The following PIK3CG variants were observed in gnomAD, a reference collection of about 807,000 sequenced individuals.
PIK3CG encodes phosphatidylinositol 4,5-bisphosphate 3-kinase catalytic subunit gamma isoform.
PIK3CG carries 55 observed loss-of-function variants against 102.3 expected under a neutral mutation model. That is an observed-to-expected ratio of 0.54 (90% CI 0.43 to 0.67). The LOEUF (loss-of-function observed/expected upper bound fraction) is 0.67. PIK3CG is among the 30% of genes least tolerant of loss of function. The probability of loss-of-function intolerance (pLI) is 0.00; values close to 1 mark genes in which losing one functional copy is unlikely to be tolerated. For synonymous variants in PIK3CG, 552 were observed against 540.0 expected (o/e 1.02, Z -0.31); for missense variants, 1,258 against 1,391.8 (o/e 0.90, Z 1.53).
chr7:106,885,058 G>C (rs776331519), intron 9 of PIK3CG, among the ~76,000 whole-genome samples: 26 of 152,176 alleles, frequency 1.7e-4, no homozygotes, highest in Non-Finnish European at 2.9e-4. Flanking sequence ...GGGAGCAGCT[G>C]TAAATACAGA....
rs1791392462 is a variant in PIK3CG, at chr7:106,895,753, T to C, written c.3031-9356T>C. 6.6e-6 allele frequency among the ~76,000 whole-genome samples: 1 copy of C among 152,244 alleles called. No homozygotes were observed. The highest frequency in any genetic ancestry group is 1.5e-5 in the Non-Finnish European group (1 of 68,042). On this transcript the variant is annotated intron_variant, in intron 10 of 10. Coordinates refer to ENST00000496166, the MANE Select transcript of PIK3CG (RefSeq NM_001282426.2). This position sits in a 1 kb window ranked among gnomAD's most constrained non-coding sequence, Gnocchi z 5.4. ...ATTAGTAATCATAGCCAACTACTTA[T>C]GTAGCACTTAAATCTCACCACAACA...
intron 10 of PIK3CG, among the ~76,000 whole-genome samples, chr7:106,898,989 A>T (rs1349146953): frequency 6.6e-6 from 1 of 152,152 alleles, no homozygotes; most frequent in African/African-American, 2.4e-5. Context: ...GACTCTTCCT[A>T]TCCATGAGCA....
chr7:106,869,041 C>T lies in PIK3CG; in HGVS notation c.1480C>T (p.Gln494Ter), dbSNP rs1584318294. 1 of 1,613,998 alleles carries T rather than the reference C, an allele frequency of 6.2e-7. No homozygotes were observed. Residue 494 changes from glutamine to a stop codon, truncating the protein, a stop_gained, in exon 2 of 11, where the codon CAA becomes TAA. Transcript: ENST00000496166. LOFTEE classifies it high-confidence loss of function. The surrounding 1 kb of genome is among the most constrained non-coding windows in gnomAD (Gnocchi z 5.3). ...MWQISGKGEDQGSFNADKLTS... is the reference protein window; with the variant it reads ...MWQISGKGED ...GCAGATATCTGGGAAGGGAGAAGAC[C>T]AAGGAAGCTTCAATGCTGACAAACT...
chr7:106,869,188 G>T lies in PIK3CG; in HGVS notation c.1627G>T (p.Val543Phe), dbSNP rs760550327. ...QPTPDPEGDR[V>F]RAEMPNQLRK... The stretch of plus-strand genomic sequence containing the variant: ...CACCCCTGACCCGGAAGGGGACCGG[G>T]TTCGAGCAGAAATGCCCAACCAGCT... The change falls in exon 2 of 11, where the codon GTT becomes TTT. Residue 543 changes from valine (V) to phenylalanine (F), a missense_variant. Val to Phe is a conservative substitution (Grantham distance 50, BLOSUM62 -1). Coordinates refer to ENST00000496166, the MANE Select transcript of PIK3CG (RefSeq NM_001282426.2). The surrounding 1 kb of genome is among the most constrained non-coding windows in gnomAD (Gnocchi z 5.3). 1 of 1,614,204 alleles carries T rather than the reference G, an allele frequency of 6.2e-7. No individual in the cohort carries two copies. Among genetic ancestry groups the T allele is most frequent in the South Asian group, 1.1e-5 (1 of 91,080 alleles).
chr7:106,876,001 G>A (rs374217437), intron 5 of PIK3CG, among the ~76,000 whole-genome samples: 6 of 142,130 alleles, frequency 4.2e-5, no homozygotes, highest in Admixed American at 7.3e-5. Flanking sequence ...TGCAAGCTCC[G>A]CTTCCCGGGT....
intron 9 of PIK3CG, among the ~76,000 whole-genome samples, chr7:106,885,806 C>T (rs919075617): frequency 3.3e-5 from 5 of 152,062 alleles, no homozygotes; most frequent in Admixed American, 2.0e-4. Context: ...GCGTAAAGAG[C>T]ATAAGAGAGT....
intron 9 of PIK3CG, among the ~76,000 whole-genome samples, chr7:106,885,566 T>G (rs541440736): frequency 2.0e-5 from 3 of 152,192 alleles, no homozygotes; most frequent in South Asian, 4.2e-4. Context: ...ATAGAAATGA[T>G]AAAGGGCTAA....
intron 10 of PIK3CG, among the ~76,000 whole-genome samples, chr7:106,887,384 G>A (rs986950804): frequency 1.3e-5 from 2 of 152,128 alleles, no homozygotes; most frequent in Non-Finnish European, 2.9e-5. Flanking sequence ...GCACATCTCA[G>A]ACTTGCTCTC....
At chr7:106,882,975 TCCTCTGGG>T (rs1790987248) in intron 7 of PIK3CG, 50 bp from the exon 8 acceptor site, 5 of 1,387,356 alleles carry the variant, frequency 3.6e-6, no homozygotes, top group Non-Finnish European at 5.0e-6. Context: ...TAGCCTTTCC[TCCTCTGGG>T]CCAGGTACTG....
chr7:106,900,018 G>A (rs1000943916), intron 10 of PIK3CG, among the ~76,000 whole-genome samples: 3 of 151,958 alleles, frequency 2.0e-5, no homozygotes, highest in Admixed American at 1.3e-4. Flanking sequence ...ATTTATTACT[G>A]ATTCAATTTT....
chr7:106,889,877 A>G (rs1196623222), intron 10 of PIK3CG, among the ~76,000 whole-genome samples: 1 of 152,222 alleles, frequency 6.6e-6, no homozygotes, highest in Admixed American at 6.5e-5. Context: ...ACACAAAACC[A>G]AGGCCCAGCG....
At position 106,902,449 on chromosome 7, in the gene PIK3CG, T is replaced by C. The variant is rs892869599; in HGVS notation, c.3031-2660T>C. ...TTTATAAGCACTTTAAAGCTTTTGA[T>C]GCATGTTAATCAAATTACCTGCTGG... On this transcript the variant is annotated intron_variant, in intron 10 of 10. Coordinates refer to ENST00000496166, the MANE Select transcript of PIK3CG (RefSeq NM_001282426.2). The surrounding 1 kb of genome is among the most constrained non-coding windows in gnomAD (Gnocchi z 4.3). 2.0e-5 allele frequency among the ~76,000 whole-genome samples: 3 copies of C among 152,154 alleles called. No individual in the cohort carries two copies. The highest frequency in any genetic ancestry group is 7.2e-5 in the African/African-American group (3 of 41,422).
intron 10 of PIK3CG, among the ~76,000 whole-genome samples, chr7:106,901,312 C>G (rs1383398148): frequency 6.6e-6 from 1 of 151,180 alleles, no homozygotes; most frequent in Non-Finnish European, 1.5e-5. Context: ...AACCAGTCTT[C>G]AAGTTCTGAG....
intron 4 of PIK3CG, among the ~76,000 whole-genome samples, chr7:106,873,462 G>T (rs771653182): frequency 6.6e-6 from 1 of 152,150 alleles, no homozygotes; most frequent in African/African-American, 2.4e-5. Flanking sequence ...AATTGCATCT[G>T]CATTGAACAT....
chr7:106,884,368 G>A lies in PIK3CG; in HGVS notation c.2872+102G>A. The A allele has an allele frequency of 1.3e-6, 1 of 748,312 alleles. No individual in the cohort carries two copies. Among genetic ancestry groups the A allele is most frequent in the Non-Finnish European group, 2.2e-6 (1 of 447,076 alleles). The allele number at this position is 748,312 out of a possible 1,614,324, so 46.4% of individuals were successfully genotyped here. Reference sequence around the variant, plus strand: ...ATTAACTGTAAGTGTTCAGTTCAGTGGCATTACATATGTTCACCTTGTTGT... The same window carrying A: ...ATTAACTGTAAGTGTTCAGTTCAGTAGCATTACATATGTTCACCTTGTTGT... On this transcript the variant is annotated intron_variant, in intron 9 of 10. Transcript: ENST00000496166. The surrounding 1 kb of genome is among the most constrained non-coding windows in gnomAD (Gnocchi z 4.2).
At position 106,894,436 on chromosome 7, in the gene PIK3CG, A is replaced by C. The variant is rs1031065289; in HGVS notation, c.3030+8144A>C. Among the ~76,000 whole-genome samples, 2 of 152,204 alleles carry C rather than the reference A, an allele frequency of 1.3e-5. No homozygotes were observed. The highest frequency in any genetic ancestry group is 4.8e-5 in the African/African-American group (2 of 41,452). On this transcript the variant is annotated intron_variant, in intron 10 of 10. Coordinates refer to ENST00000496166, the MANE Select transcript of PIK3CG (RefSeq NM_001282426.2). The surrounding 1 kb of genome is among the most constrained non-coding windows in gnomAD (Gnocchi z 4.4). ...AGAATCACTTTTCAAGTACTTACAG[A>C]TAAAAATCCTAATTCAAACTCATCA...
In PIK3CG at chr7:106,905,289, C is replaced by G. The variant is rs2116619051; in HGVS notation, c.3211C>G (p.Gln1071Glu). ...GGATGCTAAAAAGTATTTTCTTGAT[C>G]AGATCGAAGTTTGCAGAGACAAAGG... ...EEDAKKYFLD[Q>E]IEVCRDKGWT... Residue 1071 changes from glutamine (Q) to glutamate (E), a missense_variant, in exon 11 of 11, where the codon CAG (glutamine) becomes GAG (glutamate). Transcript: ENST00000496166. The surrounding 1 kb of genome is among the most constrained non-coding windows in gnomAD (Gnocchi z 5.6). 3 of 1,614,046 alleles carry G rather than the reference C, an allele frequency of 1.9e-6. No homozygotes were observed. Among genetic ancestry groups the G allele is most frequent in the Non-Finnish European group, 1.7e-6 (2 of 1,179,972 alleles).
rs1178951379 is a variant in PIK3CG at position 106,883,756 on chromosome 7, C to T, written c.2761-399C>T. Among the ~76,000 whole-genome samples the T allele has an allele frequency of 6.6e-6, 1 of 152,158 alleles. No homozygotes were observed. Among genetic ancestry groups the T allele is most frequent in the African/African-American group, 2.4e-5 (1 of 41,446 alleles). On this transcript the variant is annotated intron_variant, in intron 8 of 10. Transcript: ENST00000496166. This position sits in a 1 kb window ranked among gnomAD's most constrained non-coding sequence, Gnocchi z 5.8. ...TGGGGAGGAAATATAATGAGTAGCA[C>T]TTATTAATCTGTTATACATGGGGAT...
At position 106,894,081 on chromosome 7, in the gene PIK3CG, A is replaced by G. The variant is rs146307828; in HGVS notation, c.3030+7789A>G. On this transcript the variant is annotated intron_variant, in intron 10 of 10. Transcript: ENST00000496166. The surrounding 1 kb of genome is among the most constrained non-coding windows in gnomAD (Gnocchi z 4.4). The stretch of plus-strand genomic sequence containing the variant: ...ACATTGTTATGCAGTACATGACTGT[A>G]TATAGGACTTGTGATGTACAGTTTT... Among the ~76,000 whole-genome samples the G allele has an allele frequency of 7.4e-4, 112 of 152,342 alleles. No individual in the cohort carries two copies. In the Middle Eastern group the frequency reaches 0.017, roughly 23 times the overall value.
Sources: allele counts gnomAD v4.1 joint callset (sites outside exome capture counted in the v4.1 genomes callset), GRCh38; gene constraint gnomAD v4.1.1; non-coding constraint Gnocchi (gnomAD v3.1); transcripts MANE v1.5; gene names NCBI Gene and HGNC (gene_info 2026-07-23, HGNC 2026-07-21).